The following ADGB variants were observed in gnomAD, a reference collection of about 807,000 sequenced individuals.
ADGB encodes androglobin.
A neutral mutation model predicts 210.5 loss-of-function variants in ADGB; 172 were observed. The observed-to-expected ratio is 0.82, with a 90% CI of 0.72 to 0.93. The LOEUF (loss-of-function observed/expected upper bound fraction) is 0.93, where lower values mean the gene tolerates loss of function less well. ADGB is among the 40% of genes least tolerant of loss of function. The pLI, the probability that ADGB is intolerant of heterozygous loss-of-function variation, is 0.00. For synonymous variants in ADGB, 658 were observed against 662.7 expected, an observed-to-expected ratio of 0.99 and a Z score of 0.11; for missense variants, 2,025 against 1,964.8, an observed-to-expected ratio of 1.03 and a Z score of -0.58.
At position 146,815,389 on chromosome 6, in the gene ADGB, ATT is replaced by A; in HGVS notation, c.*174_*175del. 1.3e-5 allele frequency: 6 copies of A among 462,990 alleles called. No homozygotes were observed. The South Asian group carries it at 3.2e-4, about 25-fold the overall frequency. 28.7% of individuals were successfully genotyped at this position (462,990 alleles called of 1,614,324 possible). On this transcript the variant is annotated 3_prime_UTR_variant, in exon 36 of 36. Coordinates refer to ENST00000397944, the MANE Select transcript of ADGB (RefSeq NM_024694.4). ...CCTCAGAAAGCTAGTATTTGAAGCCATTTGAGTTTAAGATGCTCTAATTTCAA... is the reference window on the plus strand; with the variant it reads ...CCTCAGAAAGCTAGTATTTGAAGCCATGAGTTTAAGATGCTCTAATTTCAA...
At chr6:146,714,611 A>C (rs1287190828) in intron 13 of ADGB, among the ~76,000 whole-genome samples, 1 of 152,190 alleles carries the variant, frequency 6.6e-6, no homozygotes, top group Non-Finnish European at 1.5e-5. Flanking sequence ...CTGAACCAGA[A>C]AGATTAGGGA....
Position 146,635,381 on chromosome 6 carries a change from T to G in ADGB, c.81T>G (p.Tyr27Ter). 1 of 1,510,892 alleles carries G rather than the reference T, an allele frequency of 6.6e-7. No individual in the cohort carries two copies. The highest frequency in any genetic ancestry group is 8.9e-7 in the Non-Finnish European group (1 of 1,128,070). 93.6% of individuals were successfully genotyped at this position (1,510,892 alleles called of 1,614,324 possible). Residue 27 changes from tyrosine (Y) to a stop codon, truncating the protein, a stop_gained, in exon 2 of 36, where the codon TAT becomes TAG. Transcript: ENST00000397944. LOFTEE classifies it high-confidence loss of function. Reference sequence around the variant, plus strand: ...ACTCTCTGTCTCTGTCTAGTTTCTATCCTTTTGGCAGTAATGTACAATCTG... The same window carrying G: ...ACTCTCTGTCTCTGTCTAGTTTCTAGCCTTTTGGCAGTAATGTACAATCTG... ...AHGSDKSKDF[Y>*]PFGSNVQSGS... is the part of the protein sequence containing the mutation.
At chr6:146,651,560 G>T (rs1775702893) in intron 3 of ADGB, among the ~76,000 whole-genome samples, 1 of 152,176 alleles carries the variant, frequency 6.6e-6, no homozygotes, top group Non-Finnish European at 1.5e-5. Flanking sequence ...CCAGGAGGAT[G>T]CAGGTCTGCA....
chr6:146,669,959 T>G (rs1314303249), intron 7 of ADGB, among the ~76,000 whole-genome samples: 1 of 152,108 alleles, frequency 6.6e-6, no homozygotes, highest in African/African-American at 2.4e-5. Flanking sequence ...CACCTATTTA[T>G]TCAAGCTAAA....
intron 1 of ADGB, among the ~76,000 whole-genome samples, chr6:146,599,430 A>C (rs1299446901): frequency 1.3e-5 from 2 of 152,164 alleles, no homozygotes; most frequent in Admixed American, 6.5e-5. Context: ...TTTCCTAAGA[A>C]AGAGGCATAT....
chr6:146,722,164 T>A (rs1410905978), intron 17 of ADGB, among the ~76,000 whole-genome samples: 1 of 152,158 alleles, frequency 6.6e-6, no homozygotes, highest in Non-Finnish European at 1.5e-5. Flanking sequence ...TCTTTTCCTC[T>A]ATCCCACCTT....
chr6:146,650,799 A>G (rs1399915533), intron 3 of ADGB, among the ~76,000 whole-genome samples: 6 of 152,112 alleles, frequency 3.9e-5, no homozygotes, highest in Non-Finnish European at 8.8e-5. Flanking sequence ...ACAAACGCCA[A>G]CGGATCTGAC....
intron 1 of ADGB, among the ~76,000 whole-genome samples, chr6:146,605,919 T>C (rs1479455017): frequency 6.6e-6 from 1 of 152,194 alleles, no homozygotes; most frequent in East Asian, 1.9e-4. Context: ...GAATGACTTA[T>C]ATTCCTTTGG....
At chr6:146,694,343 C>T (rs1329323767) in intron 12 of ADGB, among the ~76,000 whole-genome samples, 1 of 152,164 alleles carries the variant, frequency 6.6e-6, no homozygotes, top group Non-Finnish European at 1.5e-5. Context: ...GGTCTGCTTC[C>T]TCATGCATGG....
At chr6:146,685,709 A>C (rs12195808) in intron 9 of ADGB, 25 bp from the exon 10 acceptor site, 3 of 1,400,536 alleles carry the variant, frequency 2.1e-6, no homozygotes, top group Non-Finnish European at 2.8e-6. Flanking sequence ...GAATTTTCAC[A>C]ACATAATGTA....
At chr6:146,691,455 TATAA>T (rs1456891068) in intron 11 of ADGB, among the ~76,000 whole-genome samples, 165 bp downstream of exon 11, 7 of 54,204 alleles carry the variant, frequency 1.3e-4, no homozygotes, top group African/African-American at 1.0e-3. Flanking sequence ...AATATATATA[TATAA>T]AAATATATAT....
At chr6:146,711,691 T>A (rs1776658905) in intron 13 of ADGB, among the ~76,000 whole-genome samples, 1 of 152,174 alleles carries the variant, frequency 6.6e-6, no homozygotes, top group Non-Finnish European at 1.5e-5. Context: ...AAAGGTCTTA[T>A]TTAATCCTTT....
chr6:146,786,148 T>C (rs970414759), intron 32 of ADGB, among the ~76,000 whole-genome samples: 4 of 94,290 alleles, frequency 4.2e-5, no homozygotes, highest in Non-Finnish European at 8.3e-5. Context: ...TTATATTATT[T>C]ATATATATTT....
At chr6:146,683,482 T>C (rs1355706004) in intron 9 of ADGB, among the ~76,000 whole-genome samples, 1 of 152,162 alleles carries the variant, frequency 6.6e-6, no homozygotes, top group Non-Finnish European at 1.5e-5. Context: ...GCCCATGCTA[T>C]ACCACTTATT....
intron 19 of ADGB, among the ~76,000 whole-genome samples, chr6:146,728,322 G>C (rs554978975): frequency 6.6e-6 from 1 of 152,116 alleles, no homozygotes; most frequent in South Asian, 2.1e-4. Context: ...TTATTAATAC[G>C]GTGGGGGAAA....
At chr6:146,793,732 T>G (rs537303944) in intron 33 of ADGB, among the ~76,000 whole-genome samples, 156 of 152,348 alleles carry the variant, frequency 1.0e-3, no homozygotes, top group Non-Finnish European at 1.7e-3. Flanking sequence ...TATAAGAGTT[T>G]GAAAGGTGTT....
chr6:146,625,320 A>T (rs1414034505), intron 1 of ADGB, among the ~76,000 whole-genome samples: 2 of 152,088 alleles, frequency 1.3e-5, no homozygotes, highest in East Asian at 3.9e-4. Flanking sequence ...ATGAAATCAC[A>T]TTCTTTTATT....
chr6:146,749,881 T>C (rs1186958179), intron 26 of ADGB, among the ~76,000 whole-genome samples: 2 of 151,992 alleles, frequency 1.3e-5, no homozygotes, highest in East Asian at 3.9e-4. Context: ...CCAGATCTCA[T>C]GAGAACTCAC....
intron 7 of ADGB, among the ~76,000 whole-genome samples, chr6:146,670,064 C>G (rs923309935): frequency 4.6e-5 from 7 of 152,114 alleles, no homozygotes; most frequent in Non-Finnish European, 1.0e-4. Context: ...TCTCTACTTA[C>G]TCTGAACCTA....
Sources: gnomAD v4.1 joint callset for allele counts (sites outside exome capture counted in the v4.1 genomes callset) on GRCh38, gnomAD v4.1.1 for gene constraint, MANE v1.5 for transcripts, NCBI Gene and HGNC (gene_info 2026-07-23, HGNC 2026-07-21) for gene names.